ZFHX3: variants seen among roughly 807,000 people sequenced by gnomAD.
ZFHX3 encodes the protein zinc finger homeobox protein 3.
Under a neutral mutation model 279.1 loss-of-function variants are expected in ZFHX3, and 42 were observed. That is an observed-to-expected ratio of 0.15 (90% confidence interval 0.12 to 0.19). The LOEUF (loss-of-function observed/expected upper bound fraction) is 0.19, where lower values mean the gene tolerates loss of function less well. Among genes scored for constraint, ZFHX3 ranks in the 10% least tolerant of loss-of-function variants. The pLI is 1.00. For synonymous variants in ZFHX3, 2,293 were observed against 1,957.8 expected (o/e 1.17, Z -4.52); for missense variants, 4,981 against 4,754.0 (o/e 1.05, Z -1.40).
chr16:73,802,494 C>G (rs1377456602), intron 1 of ZFHX3, among the ~76,000 whole-genome samples: 1 of 152,140 alleles, frequency 6.6e-6, no homozygotes, highest in East Asian at 1.9e-4. Context: ...CAGAAGTATC[C>G]CAGACACTGA....
chr16:73,564,455 T>A (rs1386137656), intron 2 of ZFHX3, among the ~76,000 whole-genome samples: 1 of 152,192 alleles, frequency 6.6e-6, no homozygotes, highest in African/African-American at 2.4e-5. Context: ...TACGCTCAAA[T>A]TATATCAAGC....
At chr16:72,875,733 G>A (rs1463543989) in intron 4 of ZFHX3, among the ~76,000 whole-genome samples, 1 of 152,232 alleles carries the variant, frequency 6.6e-6, no homozygotes, top group East Asian at 1.9e-4. Flanking sequence ...TAATCCTGCT[G>A]CTTAAAGCGA....
chr16:73,572,430 A>G (rs1275119392), intron 2 of ZFHX3, among the ~76,000 whole-genome samples: 1 of 152,194 alleles, frequency 6.6e-6, no homozygotes, highest in African/African-American at 2.4e-5. Flanking sequence ...CTCAGACCCA[A>G]GCTCCTGGCT....
intron 7 of ZFHX3, among the ~76,000 whole-genome samples, chr16:73,115,956 T>C (rs1379464709): frequency 1.3e-5 from 2 of 152,064 alleles, no homozygotes; most frequent in Non-Finnish European, 2.9e-5. Flanking sequence ...ACCCCGTCTC[T>C]GTTAAAATAC....
chr16:73,192,754 A>T (rs1968070311), intron 5 of ZFHX3, among the ~76,000 whole-genome samples: 1 of 152,124 alleles, frequency 6.6e-6, no homozygotes, highest in African/African-American at 2.4e-5. Context: ...CTTTAAGCAG[A>T]TTTCCATTTG....
chr16:73,217,277 C>A (rs1042071738), intron 5 of ZFHX3, among the ~76,000 whole-genome samples: 1 of 152,218 alleles, frequency 6.6e-6, no homozygotes, highest in Non-Finnish European at 1.5e-5. Flanking sequence ...TCATTACCAG[C>A]TGCTGCAGCC....
At chr16:73,446,223 A>G (rs2018182875) in intron 3 of ZFHX3, among the ~76,000 whole-genome samples, 1 of 152,116 alleles carries the variant, frequency 6.6e-6, no homozygotes, top group Non-Finnish European at 1.5e-5. Flanking sequence ...GCTGGAGGCC[A>G]TTGTATTAGT....
intron 3 of ZFHX3, among the ~76,000 whole-genome samples, chr16:72,902,321 T>C (rs1390167042): frequency 6.6e-6 from 1 of 152,158 alleles, no homozygotes; most frequent in Non-Finnish European, 1.5e-5. Flanking sequence ...ATGGAGTAAG[T>C]AAGACTCTTC....
At chr16:73,782,270 C>T (rs1040086937) in intron 1 of ZFHX3, among the ~76,000 whole-genome samples, 9 of 152,188 alleles carry the variant, frequency 5.9e-5, no homozygotes, top group African/African-American at 2.2e-4. Flanking sequence ...AGTGCTGATA[C>T]ATTAGGTAGT....
intron 1 of ZFHX3, among the ~76,000 whole-genome samples, chr16:73,798,130 A>G (rs1186911932): frequency 2.0e-5 from 3 of 152,104 alleles, no homozygotes; most frequent in Non-Finnish European, 2.9e-5. Context: ...TTCAGTAACT[A>G]TAAGGTAGTA....
intron 4 of ZFHX3, among the ~76,000 whole-genome samples, chr16:72,886,583 A>G (rs917915163): frequency 6.6e-6 from 1 of 152,150 alleles, no homozygotes; most frequent in African/African-American, 2.4e-5. Context: ...TGAGCAGAGT[A>G]AAAGAAAGAA....
At chr16:73,474,324 T>G (rs2018727160) in intron 2 of ZFHX3, among the ~76,000 whole-genome samples, 1 of 152,022 alleles carries the variant, frequency 6.6e-6, no homozygotes, top group African/African-American at 2.4e-5. Context: ...ATTTTTGCAT[T>G]TCTAGTAGAG....
intron 2 of ZFHX3, among the ~76,000 whole-genome samples, chr16:73,603,772 CTTTT>C (rs11459049): frequency 6.6e-5 from 7 of 105,474 alleles, no homozygotes; most frequent in Admixed American, 1.1e-4. Flanking sequence ...AAAAAATACG[CTTTT>C]TTTTTTTTTT....
chr16:73,634,453 T>A (rs1019246220), intron 2 of ZFHX3, among the ~76,000 whole-genome samples: 8 of 146,550 alleles, frequency 5.5e-5, no homozygotes, highest in Admixed American at 1.4e-4. Flanking sequence ...TATATATATA[T>A]ATATATATAA....
At chr16:73,196,559 A>T (rs1968153522) in intron 5 of ZFHX3, among the ~76,000 whole-genome samples, 1 of 152,136 alleles carries the variant, frequency 6.6e-6, no homozygotes, top group Non-Finnish European at 1.5e-5. Flanking sequence ...TTAACACTCA[A>T]CAGTAGTGTC....
intron 2 of ZFHX3, among the ~76,000 whole-genome samples, chr16:73,612,350 C>T (rs1274497574): frequency 1.3e-5 from 2 of 152,064 alleles, no homozygotes; most frequent in East Asian, 1.9e-4. Context: ...TTTATAAACC[C>T]TTGAAAAAAG....
intron 3 of ZFHX3, among the ~76,000 whole-genome samples, chr16:73,381,933 T>A (rs1421473781): frequency 6.6e-6 from 1 of 152,320 alleles, no homozygotes; most frequent in African/African-American, 2.4e-5. Context: ...AATATTATGG[T>A]CTCTGCTGCT....
chr16:73,480,734 T>C lies in ZFHX3; in HGVS notation c.-1546-24476A>G, dbSNP rs112931189. Among the ~76,000 whole-genome samples, 345 of 152,274 alleles carry C rather than the reference T, an allele frequency of 2.3e-3. 3 individuals carry two copies. Among genetic ancestry groups the C allele is most frequent in the African/African-American group, 7.7e-3 (322 of 41,552 alleles). The stretch of plus-strand genomic sequence containing the variant: ...GGGACCCCTAAGCTTCATGGGGAGA[T>C]GTGAGTGTCAGTAGCTGTTGCTGAG... On this transcript the variant is annotated intron_variant, in intron 2 of 17. Coordinates refer to the ZFHX3 transcript ENST00000641206.
At chr16:73,425,650 C>T in intron 3 of ZFHX3, among the ~76,000 whole-genome samples, 1 of 152,024 alleles carries the variant, frequency 6.6e-6, no homozygotes, top group East Asian at 1.9e-4. Context: ...ATGGGTCGAG[C>T]TGATGGACCC....
Sources: allele counts gnomAD v4.1 joint callset (sites outside exome capture counted in the v4.1 genomes callset), GRCh38; gene constraint gnomAD v4.1.1; transcripts MANE v1.5; gene names NCBI Gene and HGNC (gene_info 2026-07-23, HGNC 2026-07-21).